Variants in GRID2 observed in about 807,000 individuals in gnomAD.
GRID2 encodes the protein glutamate receptor ionotropic, delta-2.
A neutral mutation model predicts 114.8 loss-of-function variants in GRID2; 33 were observed. The ratio of observed to expected loss-of-function variants is 0.29; its 90% CI spans 0.22 to 0.38. The LOEUF (loss-of-function observed/expected upper bound fraction) is 0.38, where lower values mean the gene tolerates loss of function less well. GRID2 is among the 10% of genes least tolerant of loss of function. The probability of loss-of-function intolerance (pLI) is 1.00; values close to 1 mark genes in which losing one functional copy is unlikely to be tolerated. For missense variants in GRID2, 1,184 were observed against 1,257.7 expected, an observed-to-expected ratio of 0.94 and a Z score of 0.89; for synonymous variants, 505 against 449.9, an observed-to-expected ratio of 1.12 and a Z score of -1.55.
chr4:92,495,310 G>C (rs1217796393), intron 1 of GRID2, among the ~76,000 whole-genome samples: 1 of 151,910 alleles, frequency 6.6e-6, no homozygotes, highest in African/African-American at 2.4e-5. Context: ...CTATTTCCTA[G>C]AATCTAGGGC....
chr4:93,185,598 T>G (rs1445464621), intron 4 of GRID2, among the ~76,000 whole-genome samples: 1 of 152,182 alleles, frequency 6.6e-6, no homozygotes, highest in Non-Finnish European at 1.5e-5. Context: ...TCTTAAAAAA[T>G]GGACTTTAAA....
intron 4 of GRID2, among the ~76,000 whole-genome samples, chr4:93,199,329 A>C (rs6851719): frequency 0.63 from 96,475 of 152,052 alleles, 30,909 homozygotes; most frequent in Middle Eastern, 0.73. Flanking sequence ...ATCACTGTTC[A>C]ATCTTTGTTC....
At chr4:93,707,002 A>C (rs560134823) in intron 14 of GRID2, among the ~76,000 whole-genome samples, 1 of 152,248 alleles carries the variant, frequency 6.6e-6, no homozygotes, top group East Asian at 1.9e-4. Context: ...ATGATGTATC[A>C]CATTGATTGG....
chr4:93,063,176 A>G (rs1207644694), intron 2 of GRID2, among the ~76,000 whole-genome samples: 1 of 151,910 alleles, frequency 6.6e-6, no homozygotes, highest in African/African-American at 2.4e-5. Context: ...AATTCAACAT[A>G]TGGGAAGCAT....
chr4:93,477,900 T>G (rs1012202008), intron 11 of GRID2, among the ~76,000 whole-genome samples: 1 of 152,102 alleles, frequency 6.6e-6, no homozygotes, highest in Non-Finnish European at 1.5e-5. Context: ...TTAATCAATT[T>G]GCGGTGGGGA....
chr4:93,224,544 T>C (rs1434238851), intron 6 of GRID2, 70 bp from the exon 7 acceptor site: 1 of 971,132 alleles, frequency 1.0e-6, no homozygotes, highest in Non-Finnish European at 1.6e-6. Context: ...GTTGAGACAA[T>C]TATTTTTTTT....
chr4:92,501,918 G>A (rs888970338), intron 1 of GRID2, among the ~76,000 whole-genome samples: 2 of 152,054 alleles, frequency 1.3e-5, no homozygotes, highest in Non-Finnish European at 2.9e-5. Context: ...TTTTGTTTCT[G>A]GATATAGGCA....
intron 3 of GRID2, among the ~76,000 whole-genome samples, chr4:93,104,302 AT>A (rs1335883543): frequency 6.6e-6 from 1 of 152,034 alleles, no homozygotes; most frequent in Non-Finnish European, 1.5e-5. Flanking sequence ...TATTAATAGT[AT>A]TTTTTATTTT....
intron 7 of GRID2, among the ~76,000 whole-genome samples, chr4:93,233,549 G>A (rs2149505086): frequency 6.6e-6 from 1 of 151,904 alleles, no homozygotes; most frequent in Admixed American, 6.6e-5. Flanking sequence ...CACCATGTTG[G>A]GCAGAGTGGT....
At chr4:92,320,814 A>G (rs1305756718) in intron 1 of GRID2, among the ~76,000 whole-genome samples, 1 of 152,106 alleles carries the variant, frequency 6.6e-6, no homozygotes, top group African/African-American at 2.4e-5. Flanking sequence ...CTTTTTTCTT[A>G]GTATTTCTGT....
At chr4:93,232,379 A>G (rs1419828868) in intron 7 of GRID2, among the ~76,000 whole-genome samples, 1 of 151,924 alleles carries the variant, frequency 6.6e-6, no homozygotes, top group East Asian at 1.9e-4. Context: ...ATTTCTGTTA[A>G]AATTTTTGTA....
At chr4:93,091,905 G>A (rs1730825904) in intron 3 of GRID2, among the ~76,000 whole-genome samples, 1 of 152,150 alleles carries the variant, frequency 6.6e-6, no homozygotes, top group Admixed American at 6.6e-5. Context: ...AAAGAAAGAA[G>A]TGTTTTGCCC....
chr4:93,490,537 TTC>T (rs1726888849), intron 11 of GRID2, 100 bp from the exon 12 acceptor site: 1 of 761,570 alleles, frequency 1.3e-6, no homozygotes, highest in Non-Finnish European at 2.2e-6. Flanking sequence ...GCAGAAAAAA[TTC>T]TCACTACTTG....
At chr4:93,315,156 C>A (rs908413878) in intron 8 of GRID2, among the ~76,000 whole-genome samples, 3 of 152,018 alleles carry the variant, frequency 2.0e-5, no homozygotes, top group African/African-American at 7.2e-5. Flanking sequence ...ACCATCAGAT[C>A]TTTTGAGAAT....
chr4:93,286,250 C>T (rs1561086341), intron 8 of GRID2, among the ~76,000 whole-genome samples: 2 of 151,934 alleles, frequency 1.3e-5, no homozygotes, highest in Admixed American at 6.6e-5. Context: ...ATGACTAGAA[C>T]GTTGACCTGA....
At chr4:92,985,226 T>A (rs1024286952) in intron 2 of GRID2, among the ~76,000 whole-genome samples, 7 of 131,350 alleles carry the variant, frequency 5.3e-5, no homozygotes, top group Admixed American at 4.5e-4. Flanking sequence ...ATAAGGGTAA[T>A]TTTTTTTTTT....
chr4:93,603,835 G>A (rs928950238), intron 13 of GRID2, among the ~76,000 whole-genome samples: 1 of 152,132 alleles, frequency 6.6e-6, no homozygotes, highest in Non-Finnish European at 1.5e-5. Context: ...CACCACATCT[G>A]GTTACAGCAT....
chr4:92,926,424 A>G (rs1749813964), intron 2 of GRID2, among the ~76,000 whole-genome samples: 1 of 152,012 alleles, frequency 6.6e-6, no homozygotes, highest in Admixed American at 6.6e-5. Flanking sequence ...TACAATAGAA[A>G]GTGGTGGTAG....
intron 1 of GRID2, among the ~76,000 whole-genome samples, chr4:92,312,322 T>C (rs986775066): frequency 5.3e-5 from 8 of 152,110 alleles, no homozygotes; most frequent in African/African-American, 1.9e-4. Flanking sequence ...GTTTGTATTT[T>C]AGAAAGATAA....
Sources: gnomAD v4.1 joint callset for allele counts (sites outside exome capture counted in the v4.1 genomes callset) on GRCh38, gnomAD v4.1.1 for gene constraint, MANE v1.5 for transcripts, NCBI Gene and HGNC (gene_info 2026-07-23, HGNC 2026-07-21) for gene names.